APP: variants seen among roughly 807,000 people sequenced by gnomAD.
The protein encoded by APP is amyloid-beta precursor protein.
A neutral mutation model predicts 101.4 loss-of-function variants in APP; 31 were observed. The observed-to-expected ratio is 0.31, with a 90% CI of 0.23 to 0.41. The LOEUF (loss-of-function observed/expected upper bound fraction) is 0.41. APP is among the 10% of genes least tolerant of loss of function. The probability of loss-of-function intolerance (pLI) is 1.00; values close to 1 mark genes in which losing one functional copy is unlikely to be tolerated. For missense variants in APP, 839 were observed against 1,003.7 expected, an observed-to-expected ratio of 0.84 and a Z score of 2.22; for synonymous variants, 366 against 364.4, an observed-to-expected ratio of 1.00 and a Z score of -0.05.
intron 4 of APP, among the ~76,000 whole-genome samples, chr21:26,051,457 G>A (rs1438291301): frequency 6.6e-6 from 1 of 152,166 alleles, no homozygotes; most frequent in Admixed American, 6.5e-5. Context: ...CAACTGGAAT[G>A]GAAACTAATT....
At position 25,970,525 on chromosome 21, in the gene APP, A is replaced by G. The variant is rs1174432989; in HGVS notation, c.1458+4545T>C. 5.3e-5 allele frequency among the ~76,000 whole-genome samples: 8 copies of G among 152,306 alleles called. No individual in the cohort carries two copies. The East Asian group carries it at 1.5e-3, about 29-fold the overall frequency. Reference sequence around the variant, plus strand: ...CCTCTCCTGAAAGCGTGTTCTCCAAAAAAGAGAGGAACCAAGGAACTTTTG... The same window carrying G: ...CCTCTCCTGAAAGCGTGTTCTCCAAGAAAGAGAGGAACCAAGGAACTTTTG... On this transcript the variant is annotated intron_variant, in intron 11 of 17. Coordinates refer to ENST00000346798, the MANE Select transcript of APP (RefSeq NM_000484.4).
At position 26,163,074 on chromosome 21, in the gene APP, A is replaced by C. The variant is rs549131895; in HGVS notation, c.57+7490T>G. On this transcript the variant is annotated intron_variant, in intron 1 of 17. Transcript: ENST00000346798. ...GAAACCCTGTCTCTACTAAAAAAAAAAAAAACAAAAACAAAAATTAGCCAG... is the reference window on the plus strand; with the variant it reads ...GAAACCCTGTCTCTACTAAAAAAAACAAAAACAAAAACAAAAATTAGCCAG... Among the ~76,000 whole-genome samples the C allele has an allele frequency of 2.3e-4, 34 of 148,956 alleles. 1 individual carries two copies. The highest frequency in any genetic ancestry group is 3.9e-4 in the East Asian group (2 of 5,074).
intron 3 of APP, among the ~76,000 whole-genome samples, chr21:26,064,693 C>T (rs1171614179): frequency 6.6e-6 from 1 of 152,186 alleles, no homozygotes; most frequent in Non-Finnish European, 1.5e-5. Flanking sequence ...CAATCTCCAC[C>T]TGGCAACTTC....
chr21:26,137,048 C>CCTCCAT (rs1305734622), intron 1 of APP, among the ~76,000 whole-genome samples: 2 of 32,746 alleles, frequency 6.1e-5, no homozygotes, highest in African/African-American at 1.3e-3. Flanking sequence ...GATCCTCCCG[C>CCTCCAT]CTCCACCTCC....
intron 12 of APP, 107 bp from the exon 13 acceptor site, chr21:25,954,796 C>T: frequency 1.0e-6 from 1 of 967,480 alleles, no homozygotes; most frequent in Admixed American, 2.2e-5. Flanking sequence ...GCTCTGTCGC[C>T]CAGGTTATTT....
intron 17 of APP, among the ~76,000 whole-genome samples, chr21:25,890,511 C>T (rs1455870003): frequency 1.3e-5 from 2 of 152,070 alleles, no homozygotes; most frequent in African/African-American, 2.4e-5. Context: ...GAAGCCAAGG[C>T]GGGTGGATCA....
At chr21:25,936,872 G>A (rs879895046) in intron 13 of APP, among the ~76,000 whole-genome samples, 7 of 151,964 alleles carry the variant, frequency 4.6e-5, no homozygotes, top group Non-Finnish European at 8.8e-5. Context: ...TTCTTTCTTC[G>A]GCTTCTTTTT....
chr21:26,098,886 A>G (rs1005633528), intron 2 of APP, among the ~76,000 whole-genome samples: 1 of 152,246 alleles, frequency 6.6e-6, no homozygotes, highest in African/African-American at 2.4e-5. Flanking sequence ...CAGGTCACTG[A>G]AAGAGATGAG....
At chr21:25,973,481 C>A (rs1222828419) in intron 11 of APP, among the ~76,000 whole-genome samples, 1 of 152,146 alleles carries the variant, frequency 6.6e-6, no homozygotes, top group Non-Finnish European at 1.5e-5. Context: ...ATAAAAAGAT[C>A]ATTTCATAAG....
At chr21:26,160,224 G>A (rs1309168325) in intron 1 of APP, among the ~76,000 whole-genome samples, 1 of 152,068 alleles carries the variant, frequency 6.6e-6, no homozygotes, top group South Asian at 2.1e-4. Context: ...TTGCAATTTT[G>A]TCTCAAATGT....
chr21:26,117,274 A>T (rs1184325950), intron 1 of APP, among the ~76,000 whole-genome samples: 1 of 152,270 alleles, frequency 6.6e-6, no homozygotes, highest in South Asian at 2.1e-4. Flanking sequence ...ATACCCCACA[A>T]GAGTGCTTTA....
intron 1 of APP, among the ~76,000 whole-genome samples, chr21:26,162,909 C>CA (rs111971646): frequency 0.41 from 56,653 of 138,078 alleles, 12,671 homozygotes; most frequent in African/African-American, 0.64. Context: ...AAGCATCAGG[C>CA]AAAAAAAAAA....
At chr21:26,058,798 T>G (rs1321712242) in intron 3 of APP, among the ~76,000 whole-genome samples, 2 of 151,600 alleles carry the variant, frequency 1.3e-5, no homozygotes, top group Non-Finnish European at 2.9e-5. Flanking sequence ...ATAAAGACAT[T>G]AGGCCGGGCG....
At chr21:26,071,399 C>T (rs2061409041) in intron 3 of APP, among the ~76,000 whole-genome samples, 1 of 152,082 alleles carries the variant, frequency 6.6e-6, no homozygotes, top group South Asian at 2.1e-4. Flanking sequence ...GCATTCCAAG[C>T]AAGCAGAAAC....
chr21:26,121,797 T>C (rs1268169879), intron 1 of APP, among the ~76,000 whole-genome samples: 1 of 152,224 alleles, frequency 6.6e-6, no homozygotes, highest in Non-Finnish European at 1.5e-5. Context: ...CACAAGTAAG[T>C]GCAAACTTAA....
At chr21:25,966,591 A>C (rs1374346368) in intron 11 of APP, among the ~76,000 whole-genome samples, 1 of 152,166 alleles carries the variant, frequency 6.6e-6, no homozygotes, top group African/African-American at 2.4e-5. Flanking sequence ...CTCAGCAAAT[A>C]ATTTTTAACT....
rs758321984 is a variant in APP, at chr21:26,118,786, C to T, written c.58-6640G>A. Among the ~76,000 whole-genome samples the T allele has an allele frequency of 5.9e-5, 9 of 151,858 alleles. No individual in the cohort carries two copies. In the East Asian group the frequency reaches 7.7e-4, roughly 13 times the overall value. ...CACTCCTGACCTCAAGTGATCTGCC[C>T]GCCTCGGCCTCCCAAAGTGCTGGGA... On this transcript the variant is annotated intron_variant, in intron 1 of 17. Transcript: ENST00000346798.
chr21:26,150,897 T>C (rs931498525), intron 1 of APP, among the ~76,000 whole-genome samples: 7 of 152,262 alleles, frequency 4.6e-5, no homozygotes, highest in Non-Finnish European at 1.0e-4. Flanking sequence ...GTAGTTACAG[T>C]ATTGTATTTT....
intron 11 of APP, among the ~76,000 whole-genome samples, chr21:25,959,419 C>T (rs1024927023): frequency 6.6e-6 from 1 of 152,146 alleles, no homozygotes. Flanking sequence ...GGCGACAGGA[C>T]GAGACTCCGT....
Sources: allele counts gnomAD v4.1 joint callset (sites outside exome capture counted in the v4.1 genomes callset), GRCh38; gene constraint gnomAD v4.1.1; transcripts MANE v1.5; gene names NCBI Gene and HGNC (gene_info 2026-07-23, HGNC 2026-07-21).